CFAP47: variants seen among roughly 807,000 people sequenced by gnomAD.
The protein encoded by CFAP47 is cilia- and flagella-associated protein 47.
A neutral mutation model predicts 148.1 loss-of-function variants in CFAP47; 29 were observed. The observed-to-expected ratio is 0.20, with a 90% CI of 0.15 to 0.27. The LOEUF (loss-of-function observed/expected upper bound fraction) is 0.27. Ranked by LOEUF, CFAP47 falls within the 10% of genes least tolerant of loss-of-function variation. The pLI is 1.00. For missense variants in CFAP47, 1,872 were observed against 1,697.5 expected (o/e 1.10, Z -1.81); for synonymous variants, 664 against 577.3 (o/e 1.15, Z -2.15).
chrX:36,373,927 T>G (rs187082489), intron 62 of CFAP47, among the ~76,000 whole-genome samples: 30 of 111,962 alleles, frequency 2.7e-4, no homozygotes, highest in Non-Finnish European at 5.7e-4. Context: ...TTGATTATGG[T>G]GAAGAGCCTT....
At chrX:36,225,079 C>T (rs187407205) in intron 45 of CFAP47, among the ~76,000 whole-genome samples, 1,596 of 110,925 alleles carry the variant, frequency 0.014, 14 homozygotes, top group Admixed American at 0.024. Flanking sequence ...TACATATATT[C>T]GGTTATCTTT....
At chrX:36,376,897 A>C (rs1942029039) in intron 62 of CFAP47, among the ~76,000 whole-genome samples, 1 of 106,684 alleles carries the variant, frequency 9.4e-6, no homozygotes, top group Admixed American at 1.0e-4. Context: ...TCCTTCCAAT[A>C]GTTTGCTGAG....
intron 21 of CFAP47, among the ~76,000 whole-genome samples, chrX:36,005,426 T>A (rs978593675): frequency 5.3e-5 from 6 of 112,419 alleles, no homozygotes; most frequent in East Asian, 2.8e-4. Context: ...CCACATAATT[T>A]ATTTTTCACC....
At chrX:36,296,345 T>C (rs1941242198) in intron 51 of CFAP47, among the ~76,000 whole-genome samples, 1 of 112,321 alleles carries the variant, frequency 8.9e-6, no homozygotes, top group African/African-American at 3.2e-5. Context: ...CTTATATATG[T>C]AATAAGACTT....
chrX:36,080,727 CA>C (rs1937961727), intron 29 of CFAP47, among the ~76,000 whole-genome samples: 1 of 110,588 alleles, frequency 9.0e-6, no homozygotes, highest in African/African-American at 3.3e-5. Context: ...GGGAACTGAA[CA>C]ATGAGAACAC....
At chrX:36,251,295 A>C (rs1555998169) in intron 48 of CFAP47, 38 bp from the exon 49 acceptor site, 3 of 452,063 alleles carry the variant, frequency 6.6e-6, no homozygotes, top group Non-Finnish European at 1.2e-5. Flanking sequence ...TTTTATGTTG[A>C]TACTACATAA....
chrX:36,173,120 G>C (rs1283855824), intron 39 of CFAP47, among the ~76,000 whole-genome samples: 32 of 111,440 alleles, frequency 2.9e-4, no homozygotes, highest in African/African-American at 1.0e-3. Context: ...ATGGTAGTTT[G>C]TATTTCTGTG....
intron 42 of CFAP47, 132 bp downstream of exon 42, chrX:36,190,328 A>G (rs1413549944): frequency 7.0e-6 from 2 of 285,910 alleles, no homozygotes; most frequent in African/African-American, 5.5e-5. Context: ...TACTAAGCAA[A>G]GAGCTTATCC....
At chrX:36,350,687 TATTTA>T (rs1400563344) in intron 59 of CFAP47, among the ~76,000 whole-genome samples, 1 of 101,851 alleles carries the variant, frequency 9.8e-6, no homozygotes, top group Admixed American at 1.1e-4. Flanking sequence ...TATTATTATT[TATTTA>T]TTTTTTTTTT....
At chrX:36,364,611 A>G (rs1941856408) in intron 61 of CFAP47, among the ~76,000 whole-genome samples, 1 of 109,516 alleles carries the variant, frequency 9.1e-6, no homozygotes, top group South Asian at 3.8e-4. Flanking sequence ...AGAAAATAAT[A>G]AATGCAGAAG....
intron 18 of CFAP47, among the ~76,000 whole-genome samples, chrX:35,993,755 T>C (rs139561782): frequency 0.017 from 1,848 of 111,137 alleles, 45 homozygotes; most frequent in African/African-American, 0.057. Flanking sequence ...TTTCTGAGTT[T>C]TGACGAACCT....
intron 13 of CFAP47, among the ~76,000 whole-genome samples, chrX:35,972,763 A>G (rs184189745): frequency 7.8e-4 from 87 of 111,599 alleles, no homozygotes; most frequent in Middle Eastern, 4.6e-3. Flanking sequence ...TTGTTTATCA[A>G]TTCCCCAGTT....
At chrX:35,998,468 T>C (rs1936874408) in intron 19 of CFAP47, among the ~76,000 whole-genome samples, 1 of 111,315 alleles carries the variant, frequency 9.0e-6, no homozygotes, top group African/African-American at 3.3e-5. Context: ...ATCAGAGCAG[T>C]TGTCATATTA....
At chrX:36,246,655 GTGGGGATTA>G (rs1296070134) in intron 48 of CFAP47, among the ~76,000 whole-genome samples, 18 of 111,552 alleles carry the variant, frequency 1.6e-4, no homozygotes, top group African/African-American at 4.9e-4. Flanking sequence ...GTTTTGATAC[GTGGGGATTA>G]TGGGGATTAT....
intron 30 of CFAP47, among the ~76,000 whole-genome samples, chrX:36,095,980 A>G (rs1003325263): frequency 9.0e-6 from 1 of 111,022 alleles, no homozygotes; most frequent in African/African-American, 3.3e-5. Context: ...TTTTTGAAGT[A>G]TGTACTTACA....
chrX:36,264,600 C>T (rs893963214), intron 49 of CFAP47, among the ~76,000 whole-genome samples: 4 of 111,938 alleles, frequency 3.6e-5, no homozygotes, highest in Non-Finnish European at 7.5e-5. Context: ...CAGAGATGCT[C>T]TCCGCTCACT....
chrX:36,294,930 T>C (rs1411715763), intron 51 of CFAP47, among the ~76,000 whole-genome samples: 1 of 111,627 alleles, frequency 9.0e-6, no homozygotes, highest in African/African-American at 3.3e-5. Flanking sequence ...TTAATTATTT[T>C]CAATTTCAGC....
chrX:36,294,236 C>T (rs781998650), intron 51 of CFAP47, among the ~76,000 whole-genome samples: 1 of 110,990 alleles, frequency 9.0e-6, no homozygotes, highest in East Asian at 2.9e-4. Flanking sequence ...ACGTCAGCAC[C>T]ATGATCATAA....
intron 45 of CFAP47, among the ~76,000 whole-genome samples, chrX:36,221,569 A>G (rs1173086704): frequency 9.0e-6 from 1 of 111,390 alleles, no homozygotes; most frequent in African/African-American, 3.3e-5. Flanking sequence ...AGACTAAACT[A>G]TAAAAGGTGA....
Sources: allele counts gnomAD v4.1 joint callset (sites outside exome capture counted in the v4.1 genomes callset), GRCh38; gene constraint gnomAD v4.1.1; transcripts MANE v1.5; gene names NCBI Gene and HGNC (gene_info 2026-07-23, HGNC 2026-07-21).